The following FLI1 variants were observed in gnomAD, a reference collection of about 807,000 sequenced individuals.
The protein encoded by FLI1 is Fli-1 proto-oncogene, ETS transcription factor, also known as Friend leukemia integration 1 transcription factor.
A neutral mutation model predicts 53.1 loss-of-function variants in FLI1; 13 were observed. That is an observed-to-expected ratio of 0.24 (90% CI 0.16 to 0.39). FLI1 has a LOEUF of 0.39. FLI1 is among the 10% of genes least tolerant of loss of function. The pLI, the probability that FLI1 is intolerant of heterozygous loss-of-function variation, is 1.00. For missense variants in FLI1, 424 were observed against 600.5 expected (o/e 0.71, Z 3.07); for synonymous variants, 244 against 236.7 (o/e 1.03, Z -0.28).
chr11:128,759,125 G>A (rs1941008821), intron 2 of FLI1, among the ~76,000 whole-genome samples: 1 of 152,254 alleles, frequency 6.6e-6, no homozygotes, highest in Admixed American at 6.5e-5. Context: ...TTAGGAAAGT[G>A]CTCTATAGTG....
intron 1 of FLI1, among the ~76,000 whole-genome samples, chr11:128,725,960 G>A (rs565980197): frequency 2.1e-4 from 32 of 152,300 alleles, no homozygotes; most frequent in African/African-American, 7.0e-4. Flanking sequence ...AAGAGAAGCC[G>A]GAGGGGACTG....
rs1235632689 is a variant in FLI1, at chr11:128,801,166, C to T, written c.656-4200C>T. 1.2e-4 allele frequency among the ~76,000 whole-genome samples: 19 copies of T among 152,336 alleles called. No homozygotes were observed. The East Asian group carries it at 3.5e-3, about 28-fold the overall frequency. ...CAGGCACCACATTCGAGAGGGCCTC[C>T]ATGCACGCTCAGGCTTCTTCTCATA... On this transcript the variant is annotated intron_variant, in intron 5 of 8. Transcript: ENST00000527786.
intron 2 of FLI1, among the ~76,000 whole-genome samples, chr11:128,764,468 T>C (rs924165924): frequency 2.0e-5 from 3 of 152,358 alleles, no homozygotes; most frequent in African/African-American, 7.2e-5. Flanking sequence ...CCCTGCTCTA[T>C]TGTGGCAGCC....
chr11:128,772,963 A>T lies in FLI1; in HGVS notation c.567A>T (p.Ser189=). The T allele has an allele frequency of 6.2e-7, 1 of 1,613,872 alleles. No individual in the cohort carries two copies. The highest frequency in any genetic ancestry group is 8.5e-7 in the Non-Finnish European group (1 of 1,179,866). Residue 189 remains serine, a synonymous_variant, in exon 4 of 9, where the codon TCA becomes TCT. Transcript: ENST00000527786. Reference sequence around the variant, plus strand: ...TCTACAACACGGAAGTGCTGTTGTCACACCTCAGTTACCTCAGGGAAAGTA... The same window carrying T: ...TCTACAACACGGAAGTGCTGTTGTCTCACCTCAGTTACCTCAGGGAAAGTA... ...TTLYNTEVLL[S]HLSYLRESSL...
At chr11:128,747,308 G>A (rs574756367) in intron 1 of FLI1, among the ~76,000 whole-genome samples, 15 of 152,300 alleles carry the variant, frequency 9.8e-5, no homozygotes, top group African/African-American at 2.2e-4. Flanking sequence ...TTTTCATGAC[G>A]GGTACAGCCA....
At chr11:128,703,707 G>T (rs1380064902) in intron 1 of FLI1, among the ~76,000 whole-genome samples, 1 of 151,966 alleles carries the variant, frequency 6.6e-6, no homozygotes, top group African/African-American at 2.4e-5. Context: ...GCTGGGTGTG[G>T]TGGTGCATGC....
chr11:128,694,429 G>A (rs911075371), intron 1 of FLI1, among the ~76,000 whole-genome samples, 153 bp downstream of exon 1: 2 of 152,100 alleles, frequency 1.3e-5, no homozygotes, highest in African/African-American at 4.8e-5. Flanking sequence ...GCGCTCGGGT[G>A]GCGAGTCCTA....
chr11:128,794,048 T>A (rs145129270), intron 5 of FLI1, among the ~76,000 whole-genome samples: 78 of 152,356 alleles, frequency 5.1e-4, no homozygotes, highest in Non-Finnish European at 9.6e-4. Flanking sequence ...TTCTAATTTA[T>A]CTGCAGACTC....
At chr11:128,760,185 C>T (rs1454017946) in intron 2 of FLI1, among the ~76,000 whole-genome samples, 3 of 152,180 alleles carry the variant, frequency 2.0e-5, no homozygotes, top group Non-Finnish European at 4.4e-5. Context: ...ATTATCTTAC[C>T]ACTTGTTCCT....
chr11:128,764,897 GC>G, intron 2 of FLI1: 1 of 1,484,362 alleles, frequency 6.7e-7, no homozygotes, highest in Non-Finnish European at 9.1e-7. Flanking sequence ...CCAGGATGGT[GC>G]CAGCCCTTCT....
intron 4 of FLI1, among the ~76,000 whole-genome samples, chr11:128,774,115 C>T (rs909049718): frequency 8.5e-5 from 13 of 152,246 alleles, no homozygotes; most frequent in Admixed American, 3.3e-4. Context: ...ACCTTTAACT[C>T]CCCATCTTTG....
chr11:128,696,494 T>C (rs1346762908), intron 1 of FLI1, among the ~76,000 whole-genome samples: 2 of 152,162 alleles, frequency 1.3e-5, no homozygotes, highest in African/African-American at 4.8e-5. Context: ...GAATGAACCG[T>C]CCATTAAGCC....
intron 1 of FLI1, among the ~76,000 whole-genome samples, chr11:128,727,749 A>G (rs968198891): frequency 2.0e-5 from 3 of 152,216 alleles, no homozygotes; most frequent in African/African-American, 7.2e-5. Flanking sequence ...GCAGTTGAGA[A>G]GAGATGCGTG....
intron 1 of FLI1, among the ~76,000 whole-genome samples, chr11:128,733,690 G>A (rs1458404296): frequency 1.3e-5 from 2 of 152,200 alleles, no homozygotes; most frequent in African/African-American, 2.4e-5. Flanking sequence ...GATGCTGTGC[G>A]CTGAAAGTCC....
intron 1 of FLI1, among the ~76,000 whole-genome samples, chr11:128,742,811 G>A (rs771181543): frequency 4.6e-5 from 7 of 152,202 alleles, no homozygotes; most frequent in Admixed American, 2.0e-4. Flanking sequence ...TGATGCTGAC[G>A]AGTATGCATT....
chr11:128,696,516 C>G (rs1938084292), intron 1 of FLI1, among the ~76,000 whole-genome samples: 1 of 152,224 alleles, frequency 6.6e-6, no homozygotes, highest in Non-Finnish European at 1.5e-5. Context: ...GTTTGAGATT[C>G]ATAGTCATCA....
intron 1 of FLI1, among the ~76,000 whole-genome samples, chr11:128,744,270 T>A (rs1481367168): frequency 6.6e-6 from 1 of 152,096 alleles, no homozygotes; most frequent in African/African-American, 2.4e-5. Context: ...CTGTTCCAGG[T>A]AAAGGGGCTG....
chr11:128,763,781 T>A (rs1339080613), intron 2 of FLI1, among the ~76,000 whole-genome samples: 1 of 152,220 alleles, frequency 6.6e-6, no homozygotes, highest in Non-Finnish European at 1.5e-5. Flanking sequence ...CTGGAAAAGT[T>A]AGCAGCATCT....
chr11:128,780,424 C>T lies in FLI1; in HGVS notation c.590-1534C>T, dbSNP rs575618782. ...CAGCCTGACCAACATGGAGAAACCC[C>T]GTCTCTACTAAAAATACAAAATTAG... is the stretch of plus-strand genomic sequence containing the variant. On this transcript the variant is annotated intron_variant, in intron 4 of 8. Coordinates refer to ENST00000527786, the MANE Select transcript of FLI1 (RefSeq NM_002017.5). Among the ~76,000 whole-genome samples, 10 of 152,260 alleles carry T rather than the reference C, an allele frequency of 6.6e-5. No individual in the cohort carries two copies. The East Asian group carries it at 1.2e-3, about 18-fold the overall frequency.
Sources: allele counts gnomAD v4.1 joint callset (sites outside exome capture counted in the v4.1 genomes callset), GRCh38; gene constraint gnomAD v4.1.1; transcripts MANE v1.5; gene names NCBI Gene and HGNC (gene_info 2026-07-23, HGNC 2026-07-21).